The following ANKRD30BL variants were observed in gnomAD, a reference collection of about 807,000 sequenced individuals.
ANKRD30BL encodes the protein putative ankyrin repeat domain-containing protein 30B-like.
ANKRD30BL carries 20 observed loss-of-function variants against 18.4 expected under a neutral mutation model. The ratio of observed to expected loss-of-function variants is 1.09; its 90% CI spans 0.77 to 1.58. The LOEUF (loss-of-function observed/expected upper bound fraction) is 1.58, where lower values mean the gene tolerates loss of function less well. Among genes scored for constraint, ANKRD30BL ranks in the 40% most tolerant of loss-of-function variants. The pLI is 0.00. For missense variants in ANKRD30BL, 224 were observed against 268.6 expected, an observed-to-expected ratio of 0.83 and a Z score of 1.16; for synonymous variants, 72 against 100.9, an observed-to-expected ratio of 0.71 and a Z score of 1.72.
intron 1 of ANKRD30BL, among the ~76,000 whole-genome samples, chr2:132,230,075 A>G (rs555366026): frequency 2.0e-4 from 30 of 152,230 alleles, no homozygotes; most frequent in African/African-American, 6.7e-4. Flanking sequence ...CGCTTTTTGT[A>G]GAATCTGCAC....
At chr2:132,239,206 T>A (rs891418849) in intron 1 of ANKRD30BL, among the ~76,000 whole-genome samples, 1 of 152,070 alleles carries the variant, frequency 6.6e-6, no homozygotes, top group Non-Finnish European at 1.5e-5. Flanking sequence ...GTTGAACTTT[T>A]CTTTTGATAC....
rs1364574456 is a variant in ANKRD30BL, at chr2:132,213,677, G to A, written n.441+43852C>T. Among the ~76,000 whole-genome samples, 8 of 150,198 alleles carry A rather than the reference G, an allele frequency of 5.3e-5. No homozygotes were observed. In the Admixed American group the frequency reaches 5.3e-4, roughly 10 times the overall value. Reference sequence around the variant, plus strand: ...TAAAAACTAGACAGAAGCATTCTGTGAAACTTCTTTGTGATGTGTGCATTC... The same window carrying A: ...TAAAAACTAGACAGAAGCATTCTGTAAAACTTCTTTGTGATGTGTGCATTC... On this transcript the variant is annotated intron_variant and non_coding_transcript_variant, in intron 1 of 4. Coordinates refer to the ANKRD30BL transcript ENST00000470729.
chr2:132,232,080 C>G (rs545970759), intron 1 of ANKRD30BL, among the ~76,000 whole-genome samples: 12 of 152,316 alleles, frequency 7.9e-5, no homozygotes, highest in Non-Finnish European at 1.3e-4. Flanking sequence ...GGCACACTGA[C>G]ACCTCACACG....
chr2:132,211,668 C>T (rs372502441), intron 1 of ANKRD30BL, among the ~76,000 whole-genome samples: 1 of 140,392 alleles, frequency 7.1e-6, no homozygotes, highest in African/African-American at 2.6e-5. Context: ...GTTTTGAAAC[C>T]CTCTTCTTGT....
At chr2:132,163,491 TTTGA>T (rs1356225706), upstream of ANKRD30BL, among the ~76,000 whole-genome samples, 22 of 152,284 alleles carry the variant, frequency 1.4e-4, no homozygotes, top group Non-Finnish European at 2.8e-4. Flanking sequence ...TTGGTTATTG[TTTGA>T]TTGTTTGTGC....
In ANKRD30BL at chr2:132,154,652, A is replaced by AC. The variant is rs768199499; in HGVS notation, c.614+9dup. ...ACTCAAGTGTTTTTTAATAAAAAAAACTACTATACCATTTAAACTTATCAA... is the reference window on the plus strand; with the variant it reads ...ACTCAAGTGTTTTTTAATAAAAAAAACCTACTATACCATTTAAACTTATCAA... On this transcript the variant is annotated intron_variant, in intron 4 of 5. Transcript: ENST00000409867. 5 of 661,406 alleles carry AC rather than the reference A, an allele frequency of 7.6e-6. No homozygotes were observed. The highest frequency in any genetic ancestry group is 7.6e-4 in the Middle Eastern group (2 of 2,640). 41.0% of individuals were successfully genotyped at this position (661,406 alleles called of 1,614,324 possible). A position where few individuals can be genotyped will look rare whatever the true frequency, so the allele number is the denominator to read the frequency against.
At chr2:132,257,106 G>C (rs762052723) in intron 1 of ANKRD30BL, 4 of 483,390 alleles carry the variant, frequency 8.3e-6, no homozygotes, top group African/African-American at 2.0e-5. Context: ...ATGAGCCCCA[G>C]GTCCCGCCAT....
intron 1 of ANKRD30BL, among the ~76,000 whole-genome samples, chr2:132,222,870 AC>A (rs1679732671): frequency 7.0e-6 from 1 of 142,818 alleles, no homozygotes. Flanking sequence ...AAAAAGAAAC[AC>A]TGTTTTTGTA....
At chr2:132,235,939 T>A (rs1470532615) in intron 1 of ANKRD30BL, among the ~76,000 whole-genome samples, 1 of 152,142 alleles carries the variant, frequency 6.6e-6, no homozygotes, top group Non-Finnish European at 1.5e-5. Context: ...CTTCAAACTA[T>A]ACTGCAAAGC....
At chr2:132,183,376 G>A (rs80083223) in intron 1 of ANKRD30BL, among the ~76,000 whole-genome samples, 36 of 152,186 alleles carry the variant, frequency 2.4e-4, no homozygotes, top group Non-Finnish European at 5.0e-4. Context: ...TGATCTGCCC[G>A]CTTTGGCCTC....
intron 1 of ANKRD30BL, among the ~76,000 whole-genome samples, chr2:132,216,854 CTCT>C (rs1361728884): frequency 7.3e-5 from 11 of 151,664 alleles, no homozygotes; most frequent in Non-Finnish European, 1.3e-4. Flanking sequence ...TTTTGAAACA[CTCT>C]TCTTGTAGAA....
chr2:132,252,197 T>C (rs1680666069), intron 1 of ANKRD30BL, among the ~76,000 whole-genome samples: 1 of 152,370 alleles, frequency 6.6e-6, no homozygotes, highest in Non-Finnish European at 1.5e-5. Flanking sequence ...TTACAATTGA[T>C]GTTAACGATG....
chr2:132,198,190 T>A (rs1344569266), intron 1 of ANKRD30BL, among the ~76,000 whole-genome samples: 1 of 151,942 alleles, frequency 6.6e-6, no homozygotes, highest in Non-Finnish European at 1.5e-5. Flanking sequence ...GTATAGTTTT[T>A]ATTATTTTCA....
At chr2:132,171,049 C>A (rs1278352832) in intron 1 of ANKRD30BL, among the ~76,000 whole-genome samples, 2 of 150,954 alleles carry the variant, frequency 1.3e-5, no homozygotes, top group Non-Finnish European at 2.9e-5. Flanking sequence ...CCAGCTACTC[C>A]GGAGGCTGAG....
chr2:132,247,673 A>G (rs574133215), intron 1 of ANKRD30BL, among the ~76,000 whole-genome samples: 2 of 152,126 alleles, frequency 1.3e-5, no homozygotes, highest in South Asian at 2.1e-4. Flanking sequence ...CTGCTAAATC[A>G]AAAGAAAAGT....
chr2:132,209,879 C>T (rs1242407085), intron 1 of ANKRD30BL, among the ~76,000 whole-genome samples: 3 of 151,740 alleles, frequency 2.0e-5, no homozygotes, highest in African/African-American at 7.3e-5. Context: ...TAGACAGAAG[C>T]ATTCTGAGAA....
upstream of ANKRD30BL, among the ~76,000 whole-genome samples, chr2:132,162,147 T>C (rs1688092164): frequency 6.6e-6 from 1 of 151,988 alleles, no homozygotes; most frequent in Non-Finnish European, 1.5e-5. Flanking sequence ...CCCTGTCCCC[T>C]CCTCAACCTG....
At chr2:132,255,359 T>C (rs1350571276) in intron 1 of ANKRD30BL, among the ~76,000 whole-genome samples, 1 of 148,742 alleles carries the variant, frequency 6.7e-6, no homozygotes, top group Non-Finnish European at 1.5e-5. Context: ...CAAGCTGCAG[T>C]ATCCAGGCGG....
At chr2:132,240,684 G>A (rs1020639905) in intron 1 of ANKRD30BL, among the ~76,000 whole-genome samples, 24 of 151,874 alleles carry the variant, frequency 1.6e-4, no homozygotes, top group South Asian at 4.1e-4. Flanking sequence ...CTAGACAGAA[G>A]CATTCTCAGA....
Sources: allele counts gnomAD v4.1 joint callset (sites outside exome capture counted in the v4.1 genomes callset), GRCh38; gene constraint gnomAD v4.1.1; transcripts MANE v1.5; gene names NCBI Gene and HGNC (gene_info 2026-07-23, HGNC 2026-07-21).